DIAPH1: variants seen among roughly 807,000 people sequenced by gnomAD.
The protein encoded by DIAPH1 is protein diaphanous homolog 1.
A neutral mutation model predicts 140.7 loss-of-function variants in DIAPH1; 46 were observed. The ratio of observed to expected loss-of-function variants is 0.33; its 90% confidence interval spans 0.26 to 0.42. The LOEUF is 0.42. DIAPH1 is among the 10% of genes least tolerant of loss of function. The probability of loss-of-function intolerance (pLI) is 1.00; values close to 1 mark genes in which losing one functional copy is unlikely to be tolerated. For synonymous variants in DIAPH1, 565 were observed against 551.6 expected, an observed-to-expected ratio of 1.02 and a Z score of -0.34; for missense variants, 1,310 against 1,558.7, an observed-to-expected ratio of 0.84 and a Z score of 2.69.
At chr5:141,556,089 G>T (rs1352167980) in intron 18 of DIAPH1, among the ~76,000 whole-genome samples, 1 of 152,176 alleles carries the variant, frequency 6.6e-6, no homozygotes, top group Non-Finnish European at 1.5e-5. Flanking sequence ...TATTAAGCAA[G>T]AACTTTCATC....
intron 1 of DIAPH1, among the ~76,000 whole-genome samples, chr5:141,592,368 T>G (rs2099898634): frequency 6.6e-6 from 1 of 152,212 alleles, no homozygotes; most frequent in South Asian, 2.1e-4. Flanking sequence ...GTTAATACTA[T>G]GTGTGTTCTT....
chr5:141,557,621 A>G (rs1430499688), intron 18 of DIAPH1: 1 of 152,156 alleles, frequency 6.6e-6, no homozygotes, highest in Non-Finnish European at 1.5e-5. Context: ...AAACTGCCCT[A>G]AACATCTCTG....
At chr5:141,551,081 G>C (rs2099891613) in intron 18 of DIAPH1, among the ~76,000 whole-genome samples, 1 of 152,206 alleles carries the variant, frequency 6.6e-6, no homozygotes, top group Non-Finnish European at 1.5e-5. Context: ...AAAGTCGGTA[G>C]ATTAAATAAC....
intron 18 of DIAPH1, among the ~76,000 whole-genome samples, chr5:141,534,717 C>T (rs536113487): frequency 1.3e-5 from 2 of 152,296 alleles, no homozygotes; most frequent in African/African-American, 4.8e-5. Context: ...CTGTAAAGGA[C>T]CAGATAGTAA....
intron 18 of DIAPH1, chr5:141,558,597 TCA>T (rs1380899997): frequency 6.6e-6 from 1 of 152,208 alleles, no homozygotes; most frequent in African/African-American, 2.4e-5. Context: ...CTAACCTCAC[TCA>T]CTTACTCAGG....
At chr5:141,540,073 C>T (rs1280980635) in intron 18 of DIAPH1, among the ~76,000 whole-genome samples, 2 of 151,880 alleles carry the variant, frequency 1.3e-5, no homozygotes, top group Non-Finnish European at 2.9e-5. Flanking sequence ...GTCTAAATTA[C>T]CCTCTAACCA....
chr5:141,601,892 G>C (rs2099900195), intron 1 of DIAPH1, among the ~76,000 whole-genome samples: 1 of 152,154 alleles, frequency 6.6e-6, no homozygotes, highest in South Asian at 2.1e-4. Flanking sequence ...CTTTCCTTAT[G>C]AATGAGACCA....
At chr5:141,610,488 A>C in intron 1 of DIAPH1, among the ~76,000 whole-genome samples, 1 of 151,942 alleles carries the variant, frequency 6.6e-6, no homozygotes, top group Non-Finnish European at 1.5e-5. Context: ...TTTAGTAGAG[A>C]CGGGGTTTCA....
At chr5:141,558,527 C>T (rs1277267805) in intron 18 of DIAPH1, 1 of 152,138 alleles carries the variant, frequency 6.6e-6, no homozygotes, top group East Asian at 1.9e-4. Flanking sequence ...TTTTCAAAAA[C>T]TGTTGAGAAC....
chr5:141,563,961 T>C (rs2099893981), intron 18 of DIAPH1: 1 of 152,188 alleles, frequency 6.6e-6, no homozygotes, highest in Non-Finnish European at 1.5e-5. Flanking sequence ...TATTATGCGC[T>C]TAAAGTAGTT....
At chr5:141,532,143 A>G (rs1036758759) in intron 19 of DIAPH1, among the ~76,000 whole-genome samples, 1 of 152,046 alleles carries the variant, frequency 6.6e-6, no homozygotes, top group Non-Finnish European at 1.5e-5. Context: ...CCTCTCCTGA[A>G]ACAAGCCAAC....
At chr5:141,571,600 A>G (rs2099895195) in intron 17 of DIAPH1, among the ~76,000 whole-genome samples, 164 bp from the exon 18 acceptor site, 1 of 152,214 alleles carries the variant, frequency 6.6e-6, no homozygotes. Flanking sequence ...TTAGAACTGG[A>G]AACTGCACCT....
At position 141,518,053 on chromosome 5, in the gene DIAPH1, T is replaced by C. The variant is rs564734178; in HGVS notation, c.3662-1045A>G. Among the ~76,000 whole-genome samples, 6 of 152,236 alleles carry C rather than the reference T, an allele frequency of 3.9e-5. No homozygotes were observed. In the East Asian group the frequency reaches 5.8e-4, roughly 15 times the overall value. On this transcript the variant is annotated intron_variant, in intron 27 of 27. Coordinates refer to ENST00000389054, the MANE Select transcript of DIAPH1 (RefSeq NM_005219.5). ...GAAAGAAGCCTGACACGAAAGGCCA[T>C]ATGTTATGGGTCAGCTTCTGCGAAA...
rs748806020 is a variant in DIAPH1, at chr5:141,587,112, T to C, written c.230A>G (p.Asp77Gly). ...TTGCAATGACTGTGCTGTGGGATCA[T>C]CCCCATATGATGCAGAAGAATTTCT... ...AHRNSSASYG[D>G]DPTAQSLQDV... is the part of the protein sequence containing the mutation. The change falls in exon 3 of 28, where the codon GAT (aspartate) becomes GGT (glycine). Residue 77 changes from aspartate to glycine, a missense_variant. This residue lies in a region of DIAPH1 where 377 missense variants were observed against 497.1 expected (regional missense o/e 0.76). Transcript: ENST00000389054. The C allele has an allele frequency of 9.9e-6, 16 of 1,614,038 alleles. No individual in the cohort carries two copies. In the East Asian group the frequency reaches 3.3e-4, roughly 34 times the overall value.
In DIAPH1 at chr5:141,583,266, C is replaced by G. The variant is rs376465188; in HGVS notation, c.560G>C (p.Gly187Ala). 2.4e-5 allele frequency: 39 copies of G among 1,614,130 alleles called. No individual in the cohort carries two copies. Among genetic ancestry groups the G allele is most frequent in the Non-Finnish European group, 3.1e-5 (36 of 1,180,050 alleles). The change falls in exon 6 of 28, where the codon GGC becomes GCC. Residue 187 changes from glycine (G) to alanine (A), a missense_variant. By Grantham distance (60) the Gly-to-Ala change is moderately conservative. Transcript: ENST00000389054. ...VSWVQTFGAE[G>A]LASLLDILKR... ...AAGAATGTCCAATAAGGAGGCCAAG[C>G]CTTCAGCACCAAATGTTTGCACCCA...
chr5:141,582,477 C>T, intron 6 of DIAPH1, 102 bp from the exon 7 acceptor site: 1 of 844,602 alleles, frequency 1.2e-6, no homozygotes, highest in Non-Finnish European at 2.1e-6. Flanking sequence ...CCCCATCTAG[C>T]AGATGAGTAA....
intron 2 of DIAPH1, chr5:141,587,440 C>T: frequency 1.9e-6 from 1 of 539,214 alleles, no homozygotes; most frequent in Non-Finnish European, 3.3e-6. Context: ...TTTCAAACCT[C>T]TTTAAACTAG....
intron 1 of DIAPH1, among the ~76,000 whole-genome samples, chr5:141,594,507 T>G (rs1279884633): frequency 6.6e-6 from 1 of 152,154 alleles, no homozygotes; most frequent in East Asian, 1.9e-4. Context: ...TCTGGGAGGC[T>G]GAGACGGGTG....
intron 2 of DIAPH1, among the ~76,000 whole-genome samples, chr5:141,587,781 C>G (rs1445341242): frequency 1.3e-5 from 2 of 152,182 alleles, no homozygotes; most frequent in Non-Finnish European, 2.9e-5. Flanking sequence ...GACATCTCGT[C>G]AGCAAAGAAT....
Sources: gnomAD v4.1 joint callset for allele counts (sites outside exome capture counted in the v4.1 genomes callset) on GRCh38, gnomAD v4.1.1 for gene constraint, gnomAD v4.1.1 regional missense constraint, MANE v1.5 for transcripts, NCBI Gene and HGNC (gene_info 2026-07-23, HGNC 2026-07-21) for gene names.